KCTD3: variants seen among roughly 807,000 people sequenced by gnomAD.
KCTD3 encodes the protein potassium channel tetramerization domain containing 3, also known as BTB/POZ domain-containing protein KCTD3.
A neutral mutation model predicts 85.8 loss-of-function variants in KCTD3; 41 were observed. The observed-to-expected ratio is 0.48, with a 90% confidence interval of 0.37 to 0.62. The LOEUF (loss-of-function observed/expected upper bound fraction) is 0.62. Ranked by LOEUF, KCTD3 falls within the 20% of genes least tolerant of loss-of-function variation. KCTD3 has a pLI of 0.00. For missense variants in KCTD3, 724 were observed against 989.9 expected (o/e 0.73, Z 3.60); for synonymous variants, 338 against 345.4 (o/e 0.98, Z 0.24).
intron 8 of KCTD3, among the ~76,000 whole-genome samples, chr1:215,583,409 T>A (rs1659897627): frequency 6.6e-6 from 1 of 152,206 alleles, no homozygotes; most frequent in Non-Finnish European, 1.5e-5. Context: ...AGCATGATAA[T>A]GCATTATAAT....
chr1:215,576,836 G>A (rs1340133861), intron 4 of KCTD3, among the ~76,000 whole-genome samples: 2 of 152,046 alleles, frequency 1.3e-5, no homozygotes, highest in Non-Finnish European at 2.9e-5. Flanking sequence ...CCAAAGTGCT[G>A]GGATTACAGG....
In KCTD3 at chr1:215,578,600, C is replaced by A. The variant is rs1203158349; in HGVS notation, c.398-400C>A. On this transcript the variant is annotated intron_variant, in intron 6 of 17. Coordinates refer to ENST00000259154, the MANE Select transcript of KCTD3 (RefSeq NM_016121.5). ...GCAAGATTTCATTTTAAAAAATGTT[C>A]CCCTGTCAAATAAAAAATGTTTGAA... is the stretch of plus-strand genomic sequence containing the variant. 2.6e-5 allele frequency among the ~76,000 whole-genome samples: 4 copies of A among 152,234 alleles called. 1 individual carries two copies. In the Middle Eastern group the frequency reaches 0.01, roughly 391 times the overall value.
intron 14 of KCTD3, among the ~76,000 whole-genome samples, chr1:215,611,018 G>A (rs1558244086): frequency 6.6e-6 from 1 of 151,946 alleles, no homozygotes; most frequent in South Asian, 2.1e-4. Context: ...TTTATGAATT[G>A]TAAGTTGATA....
rs115142860 is a variant in KCTD3 at position 215,599,646 on chromosome 1, T to C, written c.934-2221T>C. ...GAAGAGGAGGCCACACAGTGGCTGC[T>C]TCCTTGCTTGTGCTGGGAGAGAAGA... On this transcript the variant is annotated intron_variant, in intron 10 of 17. Coordinates refer to ENST00000259154, the MANE Select transcript of KCTD3 (RefSeq NM_016121.5). Among the ~76,000 whole-genome samples, 1,499 of 152,260 alleles carry C rather than the reference T, an allele frequency of 9.8e-3. 17 individuals are homozygous for C. Among genetic ancestry groups the C allele is most frequent in the African/African-American group, 0.034 (1,394 of 41,542 alleles).
chr1:215,612,978 T>A (rs116662907), intron 15 of KCTD3, among the ~76,000 whole-genome samples: 3,246 of 152,068 alleles, frequency 0.021, 105 homozygotes, highest in African/African-American at 0.072. Context: ...AAGGAGCCTG[T>A]TGGGGGTGAG....
At chr1:215,592,877 G>A (rs1293300269) in intron 9 of KCTD3, among the ~76,000 whole-genome samples, 3 of 152,126 alleles carry the variant, frequency 2.0e-5, no homozygotes, top group Admixed American at 1.3e-4. Flanking sequence ...GACAGGAACT[G>A]GTCATTACTT....
chr1:215,577,439 G>A (rs1302763914), intron 4 of KCTD3, among the ~76,000 whole-genome samples: 2 of 151,874 alleles, frequency 1.3e-5, no homozygotes, highest in Admixed American at 6.6e-5. Context: ...TCATATATAT[G>A]TATATATATG....
chr1:215,578,106 T>A, intron 6 of KCTD3, 25 bp downstream of exon 6: 4 of 1,593,922 alleles, frequency 2.5e-6, no homozygotes, highest in East Asian at 2.2e-5. Flanking sequence ...TTAAATCTTT[T>A]AAAAAATTCC....
intron 13 of KCTD3, among the ~76,000 whole-genome samples, chr1:215,607,168 TTATG>T (rs1391147113): frequency 6.6e-6 from 1 of 151,930 alleles, no homozygotes. Context: ...GTAGTAAATA[TTATG>T]TATGTGTGTA....
intron 14 of KCTD3, 82 bp from the exon 15 acceptor site, chr1:215,611,742 AT>A: frequency 1.2e-6 from 1 of 843,428 alleles, no homozygotes; most frequent in African/African-American, 1.7e-5. Context: ...TTCTTTTCTT[AT>A]ATTAATATTA....
Position 215,578,053 on chromosome 1 carries a change from C to G in KCTD3, c.369C>G (p.Val123=). 6.2e-7 allele frequency: 1 copy of G among 1,612,090 alleles called. No individual in the cohort carries two copies. Among genetic ancestry groups the G allele is most frequent in the Non-Finnish European group, 8.5e-7 (1 of 1,178,930 alleles). The change falls in exon 6 of 18, where the codon GTC becomes GTG. Residue 123 remains valine, a synonymous_variant. Coordinates refer to ENST00000259154, the MANE Select transcript of KCTD3 (RefSeq NM_016121.5). ...TGGAGCGTTCCTCTTGTGGCAGTGTCCTTTTTCATGGTTACTTGCCCCCAC... is the reference window on the plus strand; with the variant it reads ...TGGAGCGTTCCTCTTGTGGCAGTGTGCTTTTTCATGGTTACTTGCCCCCAC... The part of the protein sequence containing the change: ...EELERSSCGS[V]LFHGYLPPPG...
chr1:215,587,081 C>G (rs976711713), intron 9 of KCTD3, among the ~76,000 whole-genome samples: 3 of 151,728 alleles, frequency 2.0e-5, no homozygotes, highest in Non-Finnish European at 4.4e-5. Context: ...CCTTAATCCT[C>G]TTAAAAAGTT....
Position 215,601,854 on chromosome 1 carries a change from C to T in KCTD3, c.934-13C>T, listed in dbSNP as rs1571891429. 2 of 1,387,574 alleles carry T rather than the reference C, an allele frequency of 1.4e-6. No homozygotes were observed. The highest frequency in any genetic ancestry group is 4.6e-5 in the East Asian group (2 of 43,572). 86.0% of individuals were successfully genotyped at this position (1,387,574 alleles called of 1,614,324 possible). A position where few individuals can be genotyped will look rare whatever the true frequency, so the allele number is the denominator to read the frequency against. On this transcript the variant is annotated splice_polypyrimidine_tract_variant and intron_variant, in intron 10 of 17. Transcript: ENST00000259154. ...TTACTATCTAACATCTGATAATACT[C>T]TCACTACATCAGGTTCAAGATGTTG...
intron 15 of KCTD3, among the ~76,000 whole-genome samples, chr1:215,612,998 G>GGA (rs1316783638): frequency 6.6e-6 from 1 of 151,980 alleles, no homozygotes; most frequent in Non-Finnish European, 1.5e-5. Flanking sequence ...GCGGGGCCGG[G>GGA]GAGAGAGAGA....
At chr1:215,611,760 C>G in intron 14 of KCTD3, 65 bp from the exon 15 acceptor site, 3 of 1,075,324 alleles carry the variant, frequency 2.8e-6, no homozygotes, top group Non-Finnish European at 4.1e-6. Context: ...ATTAATGTTC[C>G]TTTTGTAAAA....
At chr1:215,579,599 C>T (rs1019453021) in intron 7 of KCTD3, among the ~76,000 whole-genome samples, 2 of 151,574 alleles carry the variant, frequency 1.3e-5, no homozygotes, top group African/African-American at 2.4e-5. Context: ...CCTGGGTTTA[C>T]GCCATTCTCC....
chr1:215,615,594 T>C (rs1440384847), intron 15 of KCTD3, among the ~76,000 whole-genome samples: 1 of 148,928 alleles, frequency 6.7e-6, no homozygotes, highest in African/African-American at 2.5e-5. Context: ...CACTCCAGCC[T>C]GGGCGACAGA....
Position 215,567,456 on chromosome 1 carries a change from T to G in KCTD3, c.-230T>G, listed in dbSNP as rs970033418. ...CCGGCGGCCTGGAGGCCGCGAAAGG[T>G]GGAGGCCGGGCCGCCCTTGTGCACC... On this transcript the variant is annotated 5_prime_UTR_variant, in exon 1 of 18. Coordinates refer to ENST00000259154, the MANE Select transcript of KCTD3 (RefSeq NM_016121.5). The G allele has an allele frequency of 8.6e-6, 2 of 232,506 alleles. No individual in the cohort carries two copies. The highest frequency in any genetic ancestry group is 9.2e-5 in the East Asian group (1 of 10,824). 14.4% of individuals were successfully genotyped at this position (232,506 alleles called of 1,614,324 possible). A position where few individuals can be genotyped will look rare whatever the true frequency, so the allele number is the denominator to read the frequency against.
intron 9 of KCTD3, among the ~76,000 whole-genome samples, chr1:215,590,679 A>G (rs371959356): frequency 3.9e-5 from 6 of 151,970 alleles, no homozygotes; most frequent in East Asian, 3.9e-4. Context: ...CTCTAGTATT[A>G]CTTTTTGATT....
Sources: gnomAD v4.1 joint callset for allele counts (sites outside exome capture counted in the v4.1 genomes callset) on GRCh38, gnomAD v4.1.1 for gene constraint, MANE v1.5 for transcripts, NCBI Gene and HGNC (gene_info 2026-07-23, HGNC 2026-07-21) for gene names.